Variants in MUCL1 observed in about 807,000 individuals in gnomAD.
MUCL1 encodes mucin-like protein 1.
Under a neutral mutation model 9.2 loss-of-function variants are expected in MUCL1, and 11 were observed. That is an observed-to-expected ratio of 1.19 (90% CI 0.75 to 1.97). MUCL1 has a LOEUF of 1.97. Among genes scored for constraint, MUCL1 ranks in the 30% most tolerant of loss-of-function variants. The pLI is 0.00. For synonymous variants in MUCL1, 48 were observed against 40.5 expected (o/e 1.19, Z -0.71); for missense variants, 144 against 110.9 (o/e 1.30, Z -1.34).
At chr12:54,845,324 A>G (rs1378071) in intron 1 of MUCL1, among the ~76,000 whole-genome samples, 55,308 of 152,064 alleles carry the variant, frequency 0.36, 11,800 homozygotes, top group East Asian at 0.84. Flanking sequence ...TAGTGAGTTG[A>G]CTGGCAAGGA....
At chr12:54,837,506 C>T (rs10876625), upstream of MUCL1, among the ~76,000 whole-genome samples, 79,376 of 151,924 alleles carry the variant, frequency 0.52, 21,221 homozygotes, top group East Asian at 0.86. Flanking sequence ...TGGCTCATGC[C>T]TGTAATCCCA....
chr12:54,838,115 G>A (rs1959196253), upstream of MUCL1, among the ~76,000 whole-genome samples: 1 of 152,136 alleles, frequency 6.6e-6, no homozygotes, highest in Non-Finnish European at 1.5e-5. Context: ...ATTTCTTGTA[G>A]GACTGGTCTG....
At chr12:54,830,788 G>T (rs1246904521) in exon 1 of MUCL1, 3 of 152,052 alleles carry the variant, frequency 2.0e-5, no homozygotes, top group Non-Finnish European at 4.4e-5. Context: ...GAGACTGAGG[G>T]ATCCCTGAGG....
chr12:54,848,354 A>G (rs956131593), intron 1 of MUCL1, among the ~76,000 whole-genome samples: 2 of 152,120 alleles, frequency 1.3e-5, no homozygotes, highest in African/African-American at 4.8e-5. Context: ...AAATTTGGGG[A>G]TTAATAATAG....
At position 54,855,169 on chromosome 12, in the gene MUCL1, C is replaced by G; in HGVS notation, c.100+12C>G. 6.2e-7 allele frequency: 1 copy of G among 1,612,182 alleles called. No individual in the cohort carries two copies. The highest frequency in any genetic ancestry group is 8.5e-7 in the Non-Finnish European group (1 of 1,178,598). The stretch of plus-strand genomic sequence containing the variant: ...CACGTATCCAGCTAGTGAGTCTGCA[C>G]TTGAATGTCATCTCTTTCCAGCAAT... On this transcript the variant is annotated intron_variant, in intron 2 of 3. Transcript: ENST00000308796.
chr12:54,847,929 T>G (rs1959280339), intron 1 of MUCL1, among the ~76,000 whole-genome samples: 1 of 151,792 alleles, frequency 6.6e-6, no homozygotes, highest in African/African-American at 2.4e-5. Flanking sequence ...ATGCCCCAGC[T>G]CCCTTGGCAT....
At chr12:54,842,559 G>T (rs1278199813) in intron 1 of MUCL1, among the ~76,000 whole-genome samples, 3 of 151,940 alleles carry the variant, frequency 2.0e-5, no homozygotes, top group African/African-American at 7.3e-5. Flanking sequence ...CATCCATGTT[G>T]CCATAAATAC....
At chr12:54,838,353 T>A (rs1334950127), upstream of MUCL1, among the ~76,000 whole-genome samples, 2 of 152,212 alleles carry the variant, frequency 1.3e-5, no homozygotes, top group African/African-American at 2.4e-5. Flanking sequence ...GTCTCACTGC[T>A]CTTAGAATAT....
chr12:54,856,639 A>G, intron 2 of MUCL1, 131 bp from the exon 3 acceptor site: 1 of 1,242,736 alleles, frequency 8.0e-7, no homozygotes, highest in Non-Finnish European at 1.1e-6. Context: ...GGTAGGCTAA[A>G]GGTAAGACAG....
At chr12:54,847,726 TA>T (rs1205881173) in intron 1 of MUCL1, among the ~76,000 whole-genome samples, 1 of 152,234 alleles carries the variant, frequency 6.6e-6, no homozygotes, top group Non-Finnish European at 1.5e-5. Context: ...GAGGTAGTGA[TA>T]ATTTTGGGGA....
chr12:54,856,812 CT>C lies in MUCL1; in HGVS notation c.144del (p.Ala49LeufsTer48), dbSNP rs747013504. The C allele has an allele frequency of 1.6e-4, 251 of 1,612,886 alleles. No individual in the cohort carries two copies. The highest frequency in any genetic ancestry group is 1.8e-4 in the Non-Finnish European group (207 of 1,179,308). On this transcript the variant is annotated frameshift_variant, in exon 3 of 4. Coordinates refer to ENST00000308796, the MANE Select transcript of MUCL1 (RefSeq NM_058173.3). LOFTEE classifies it high-confidence loss of function. ...DDEAPDAETT[A>X]AATTATTAAP... ...GAAGCCCCTGATGCTGAAACCACTG[CT>C]GCTGCAACCACTGCAACCACTGCTG... is the stretch of plus-strand genomic sequence containing the variant.
At chr12:54,843,547 A>G (rs1453963985) in intron 1 of MUCL1, among the ~76,000 whole-genome samples, 1 of 152,198 alleles carries the variant, frequency 6.6e-6, no homozygotes, top group Non-Finnish European at 1.5e-5. Context: ...ACATATAATG[A>G]GCAAGTTATC....
chr12:54,849,619 A>G (rs193138678), upstream of MUCL1, among the ~76,000 whole-genome samples: 547 of 152,186 alleles, frequency 3.6e-3, 4 homozygotes, highest in Non-Finnish European at 6.0e-3. Context: ...ATATGATTTT[A>G]TATAGAATAT....
upstream of MUCL1, among the ~76,000 whole-genome samples, chr12:54,850,023 T>G (rs1251489871): frequency 6.6e-6 from 1 of 152,198 alleles, no homozygotes; most frequent in Non-Finnish European, 1.5e-5. Flanking sequence ...AAACCAGCAC[T>G]GTTCTCTGCC....
At chr12:54,842,121 A>G (rs910186005) in intron 1 of MUCL1, among the ~76,000 whole-genome samples, 6 of 152,098 alleles carry the variant, frequency 3.9e-5, no homozygotes, top group African/African-American at 1.4e-4. Context: ...AGAGAACAAC[A>G]TCTTTATAAT....
At chr12:54,843,983 GT>G (rs1460481035) in intron 1 of MUCL1, among the ~76,000 whole-genome samples, 1 of 152,082 alleles carries the variant, frequency 6.6e-6, no homozygotes, top group Non-Finnish European at 1.5e-5. Context: ...ATTAGGTAAT[GT>G]CTTAACCTTT....
chr12:54,848,036 T>A (rs2135943499), intron 1 of MUCL1, among the ~76,000 whole-genome samples: 1 of 151,872 alleles, frequency 6.6e-6, no homozygotes, highest in Admixed American at 6.6e-5. Flanking sequence ...CTTTTTTTTT[T>A]TTTTTTTTAA....
intron 1 of MUCL1, among the ~76,000 whole-genome samples, chr12:54,841,721 A>G (rs1185225165): frequency 6.6e-6 from 1 of 152,202 alleles, no homozygotes; most frequent in Admixed American, 6.6e-5. Context: ...GATTTTGAAT[A>G]TTAACCCTTT....
upstream of MUCL1, among the ~76,000 whole-genome samples, chr12:54,838,262 C>A (rs1262301741): frequency 6.6e-6 from 1 of 152,218 alleles, no homozygotes; most frequent in African/African-American, 2.4e-5. Flanking sequence ...GGACCCTAAT[C>A]CTTTCTGGTT....
Sources: gnomAD v4.1 joint callset for allele counts (sites outside exome capture counted in the v4.1 genomes callset) on GRCh38, gnomAD v4.1.1 for gene constraint, MANE v1.5 for transcripts, NCBI Gene and HGNC (gene_info 2026-07-23, HGNC 2026-07-21) for gene names.